The following PLCZ1 variants were observed in gnomAD, a reference collection of about 807,000 sequenced individuals.
PLCZ1 encodes 1-phosphatidylinositol 4,5-bisphosphate phosphodiesterase zeta-1.
Under a neutral mutation model 76.8 loss-of-function variants are expected in PLCZ1, and 64 were observed. The ratio of observed to expected loss-of-function variants is 0.83; its 90% CI spans 0.68 to 1.03. The LOEUF (loss-of-function observed/expected upper bound fraction) is 1.03. PLCZ1 is among the 50% of genes least tolerant of loss of function. The pLI, the probability that PLCZ1 is intolerant of heterozygous loss-of-function variation, is 0.00. For missense variants in PLCZ1, 751 were observed against 713.7 expected (o/e 1.05, Z -0.60); for synonymous variants, 248 against 230.8 (o/e 1.07, Z -0.68).
chr12:18,714,731 A>G (rs1221138683), intron 5 of PLCZ1: 1 of 152,130 alleles, frequency 6.6e-6, no homozygotes, highest in Non-Finnish European at 1.5e-5. Context: ...GTCTGGAGAC[A>G]TTTTCGGCTG....
At chr12:18,683,488 T>C in intron 14 of PLCZ1, 164 bp from the exon 15 acceptor site, 3 of 1,483,716 alleles carry the variant, frequency 2.0e-6, no homozygotes, top group Non-Finnish European at 2.7e-6. Flanking sequence ...AAATTAAATA[T>C]TTGCATTTTC....
At chr12:18,689,708 G>A (rs1263166930) in intron 12 of PLCZ1, among the ~76,000 whole-genome samples, 8 of 152,162 alleles carry the variant, frequency 5.3e-5, no homozygotes, top group Non-Finnish European at 1.2e-4. Context: ...TTTGGATTTA[G>A]AAAGCAGTCC....
intron 6 of PLCZ1, among the ~76,000 whole-genome samples, chr12:18,710,244 A>AT (rs1402666927): frequency 4.0e-5 from 6 of 149,708 alleles, no homozygotes; most frequent in Non-Finnish European, 7.4e-5. Flanking sequence ...AGGCCTTTGA[A>AT]TTTTAAGACT....
chr12:18,713,123 CTTTGG>C, intron 5 of PLCZ1, 137 bp from the exon 6 acceptor site: 4 of 1,188,260 alleles, frequency 3.4e-6, no homozygotes, highest in Non-Finnish European at 3.6e-6. Context: ...AAAAACTTGT[CTTTGG>C]GACAAGTTTT....
chr12:18,679,391 A>G (rs1952223024), downstream of PLCZ1, among the ~76,000 whole-genome samples: 1 of 152,008 alleles, frequency 6.6e-6, no homozygotes, highest in African/African-American at 2.4e-5. Context: ...AAGATATTCT[A>G]TCTGCTTTCT....
At chr12:18,661,037 G>A in the PLCZ1 span, among the ~76,000 whole-genome samples, 14 of 152,110 alleles carry the variant, frequency 9.2e-5, no homozygotes, top group Admixed American at 9.2e-4. Flanking sequence ...TAGAAGAATT[G>A]AAGGGTATAT....
intron 4 of PLCZ1, among the ~76,000 whole-genome samples, chr12:18,722,306 T>A (rs1401808545): frequency 2.6e-5 from 4 of 152,044 alleles, no homozygotes. Flanking sequence ...CTCCAACCCA[T>A]CAGGAATTCA....
intron 6 of PLCZ1, among the ~76,000 whole-genome samples, chr12:18,709,834 T>G (rs1209740985): frequency 6.6e-6 from 1 of 152,192 alleles, no homozygotes; most frequent in Non-Finnish European, 1.5e-5. Context: ...CTCCAATTTC[T>G]TTCATCCATG....
At chr12:18,724,722 G>A (rs541902469) in intron 3 of PLCZ1, among the ~76,000 whole-genome samples, 3 of 152,024 alleles carry the variant, frequency 2.0e-5, no homozygotes, top group Non-Finnish European at 2.9e-5. Context: ...CTGTGGAAGC[G>A]GATGTTATAG....
chr12:18,727,207 G>C (rs1216017897), intron 3 of PLCZ1, among the ~76,000 whole-genome samples: 1 of 151,864 alleles, frequency 6.6e-6, no homozygotes, highest in Non-Finnish European at 1.5e-5. Context: ...AATTTGCCAA[G>C]TGCATTGGTG....
chr12:18,722,322 T>A (rs903436971), intron 4 of PLCZ1, among the ~76,000 whole-genome samples: 1 of 152,126 alleles, frequency 6.6e-6, no homozygotes, highest in Non-Finnish European at 1.5e-5. Flanking sequence ...ATTCAAGACC[T>A]AATTGCCTTA....
At chr12:18,650,293 T>TTCTC in the PLCZ1 span, among the ~76,000 whole-genome samples, 24 of 87,734 alleles carry the variant, frequency 2.7e-4, 1 homozygote, top group East Asian at 2.6e-3. Flanking sequence ...TAACCCAAAT[T>TTCTC]TCTCTCTCTC....
At chr12:18,722,625 G>C (rs890688186) in intron 4 of PLCZ1, among the ~76,000 whole-genome samples, 7 of 151,840 alleles carry the variant, frequency 4.6e-5, no homozygotes, top group Non-Finnish European at 8.8e-5. Context: ...TGTATTATGT[G>C]TTTATAATTT....
chr12:18,649,459 A>G, the PLCZ1 span, among the ~76,000 whole-genome samples: 3 of 152,128 alleles, frequency 2.0e-5, no homozygotes, highest in Non-Finnish European at 2.9e-5. Context: ...CTAATGGATA[A>G]TTCTGGACAC....
At chr12:18,676,254 C>A in the PLCZ1 span, among the ~76,000 whole-genome samples, 1 of 152,076 alleles carries the variant, frequency 6.6e-6, no homozygotes, top group African/African-American at 2.4e-5. Flanking sequence ...CTTTTGAGAC[C>A]AGATTTACCT....
chr12:18,683,806 C>T (rs573971346), intron 14 of PLCZ1, among the ~76,000 whole-genome samples: 1 of 151,996 alleles, frequency 6.6e-6, no homozygotes, highest in South Asian at 2.1e-4. Flanking sequence ...CTGCTTCTCC[C>T]TTCTGGTTGC....
In PLCZ1 at chr12:18,705,274, G is replaced by A; in HGVS notation, c.756C>T (p.Cys252=). The part of the protein sequence containing the change: ...YPVVLSLENH[C]STAQQEVMAD... ...CCATTACTTCTTGTTGGGCAGTGGA[G>A]CAGTGATTTTCTAAAGAGAGCACCA... Residue 252 remains cysteine, a synonymous_variant, in exon 7 of 15, where the codon TGC becomes TGT. Coordinates refer to ENST00000266505, the MANE Select transcript of PLCZ1 (RefSeq NM_033123.4). 6.2e-7 allele frequency: 1 copy of A among 1,614,052 alleles called. No individual in the cohort carries two copies. The highest frequency in any genetic ancestry group is 8.5e-7 in the Non-Finnish European group (1 of 1,179,988).
the PLCZ1 span, among the ~76,000 whole-genome samples, chr12:18,647,608 A>G: frequency 1.3e-5 from 2 of 152,150 alleles, no homozygotes; most frequent in South Asian, 2.1e-4. Context: ...GTAATTTACC[A>G]TCTTGCTAAA....
intron 6 of PLCZ1, among the ~76,000 whole-genome samples, chr12:18,708,674 C>T (rs1220407591): frequency 2.0e-5 from 3 of 152,090 alleles, no homozygotes; most frequent in Non-Finnish European, 4.4e-5. Context: ...CATTTGTTAT[C>T]ATTTGACTTT....
Sources: gnomAD v4.1 joint callset for allele counts (sites outside exome capture counted in the v4.1 genomes callset) on GRCh38, gnomAD v4.1.1 for gene constraint, MANE v1.5 for transcripts, NCBI Gene and HGNC (gene_info 2026-07-23, HGNC 2026-07-21) for gene names.